PDE1C: variants seen among roughly 807,000 people sequenced by gnomAD.
The protein encoded by PDE1C is dual specificity calcium/calmodulin-dependent 3',5'-cyclic nucleotide phosphodiesterase 1C.
Under a neutral mutation model 93.1 loss-of-function variants are expected in PDE1C, and 62 were observed. The ratio of observed to expected loss-of-function variants is 0.67; its 90% CI spans 0.54 to 0.82. The LOEUF (loss-of-function observed/expected upper bound fraction) is 0.82. PDE1C is among the 40% of genes least tolerant of loss of function. The pLI is 0.00. For missense variants in PDE1C, 742 were observed against 884.6 expected, an observed-to-expected ratio of 0.84 and a Z score of 2.04; for synonymous variants, 325 against 310.1, an observed-to-expected ratio of 1.05 and a Z score of -0.50.
At chr7:32,198,101 A>G (rs1402806393) in intron 2 of PDE1C, among the ~76,000 whole-genome samples, 2 of 152,218 alleles carry the variant, frequency 1.3e-5, no homozygotes, top group Non-Finnish European at 2.9e-5. Context: ...TCTGGATTCA[A>G]CAGTCTTCCT....
At chr7:32,001,139 C>A (rs1309170029) in intron 2 of PDE1C, among the ~76,000 whole-genome samples, 1 of 152,160 alleles carries the variant, frequency 6.6e-6, no homozygotes, top group Non-Finnish European at 1.5e-5. Context: ...TGTGAATAAG[C>A]ATTCTTAAAG....
chr7:31,799,100 AC>A (rs1396975675), intron 16 of PDE1C, among the ~76,000 whole-genome samples: 1 of 151,730 alleles, frequency 6.6e-6, no homozygotes, highest in East Asian at 1.9e-4. Flanking sequence ...GGTCCGTATA[AC>A]CAGTGAATGC....
chr7:31,750,259 G>C (rs917487480), downstream of PDE1C, among the ~76,000 whole-genome samples: 1 of 151,146 alleles, frequency 6.6e-6, no homozygotes. Flanking sequence ...TCAGTCATGA[G>C]GGCAAGAGAC....
At position 32,055,937 on chromosome 7, in the gene PDE1C, C is replaced by T. The variant is rs1471681057; in HGVS notation, c.102-4357G>A. Among the ~76,000 whole-genome samples, 3 of 152,144 alleles carry T rather than the reference C, an allele frequency of 2.0e-5. No homozygotes were observed. The East Asian group carries it at 5.8e-4, about 29-fold the overall frequency. ...GTTTCACCATGTTGGCCAGGCTGGT[C>T]TGGAACTCCTGACCTCAAGTGATCT... On this transcript the variant is annotated intron_variant, in intron 1 of 17. Coordinates refer to ENST00000396191, the MANE Select transcript of PDE1C (RefSeq NM_001191057.4).
At chr7:31,829,342 A>G (rs879435705) in intron 11 of PDE1C, among the ~76,000 whole-genome samples, 1 of 152,204 alleles carries the variant, frequency 6.6e-6, no homozygotes, top group Admixed American at 6.6e-5. Flanking sequence ...AAATAAAAAG[A>G]ACTACTGTTG....
chr7:31,651,538 C>T, the PDE1C span, among the ~76,000 whole-genome samples: 1 of 152,004 alleles, frequency 6.6e-6, no homozygotes, highest in Non-Finnish European at 1.5e-5. Context: ...TGGGATGGGG[C>T]TCGTGCAAAT....
chr7:31,987,010 T>C (rs931617542), intron 2 of PDE1C, among the ~76,000 whole-genome samples: 12 of 151,796 alleles, frequency 7.9e-5, no homozygotes, highest in African/African-American at 2.7e-4. Flanking sequence ...ACTCCAAACA[T>C]ATGGTCAATG....
chr7:32,021,969 T>C (rs1788739651), intron 2 of PDE1C, among the ~76,000 whole-genome samples: 2 of 152,276 alleles, frequency 1.3e-5, no homozygotes, highest in East Asian at 1.9e-4. Context: ...AGGATGTTCT[T>C]AGTATCTCAA....
intron 3 of PDE1C, among the ~76,000 whole-genome samples, chr7:32,112,870 A>ATATC (rs1554506016): frequency 2.1e-5 from 3 of 141,408 alleles, no homozygotes; most frequent in African/African-American, 8.1e-5. Context: ...ATATATATAT[A>ATATC]TATCTCAAAC....
At chr7:31,688,571 G>C in the PDE1C span, among the ~76,000 whole-genome samples, 81 of 152,210 alleles carry the variant, frequency 5.3e-4, 1 homozygote, top group Admixed American at 3.3e-4. Context: ...TTCAGTTCCT[G>C]TTCTCAAAAG....
At position 32,116,255 on chromosome 7, in the gene PDE1C, G is replaced by A. The variant is rs540647711; in HGVS notation, c.308+53530C>T. Among the ~76,000 whole-genome samples the A allele has an allele frequency of 5.9e-5, 9 of 152,228 alleles. No individual in the cohort carries two copies. The South Asian group carries it at 1.9e-3, about 32-fold the overall frequency. On this transcript the variant is annotated intron_variant, in intron 3 of 18. Transcript: ENST00000396193. ...TCTGCACCTACAACTGTAATGTCAT[G>A]CTTATATGCTATTCAATTTGTAGAA...
intron 9 of PDE1C, among the ~76,000 whole-genome samples, chr7:31,839,205 C>T (rs1047572532): frequency 2.8e-5 from 4 of 141,644 alleles, no homozygotes; most frequent in Admixed American, 7.2e-5. Context: ...TACATACATA[C>T]GTATATGTGT....
At chr7:31,698,527 A>C in the PDE1C span, among the ~76,000 whole-genome samples, 3 of 152,180 alleles carry the variant, frequency 2.0e-5, no homozygotes, top group Admixed American at 6.5e-5. Flanking sequence ...CACTGACTAC[A>C]TGCAAGCTTC....
At chr7:31,949,555 A>G (rs1807081879) in intron 2 of PDE1C, among the ~76,000 whole-genome samples, 1 of 152,206 alleles carries the variant, frequency 6.6e-6, no homozygotes, top group Non-Finnish European at 1.5e-5. Context: ...ATTGAAGTCA[A>G]TCAGAATTGA....
the PDE1C span, among the ~76,000 whole-genome samples, chr7:31,732,392 A>C: frequency 1.3e-5 from 2 of 152,018 alleles, no homozygotes; most frequent in African/African-American, 2.4e-5. Flanking sequence ...GAAGTAAGTG[A>C]TATTAAAATC....
At chr7:32,094,589 G>A (rs561238208) in intron 3 of PDE1C, among the ~76,000 whole-genome samples, 86 of 152,300 alleles carry the variant, frequency 5.6e-4, no homozygotes, top group Admixed American at 3.6e-3. Flanking sequence ...GGCTAAGAGA[G>A]TGCCAACCAA....
intron 2 of PDE1C, among the ~76,000 whole-genome samples, chr7:31,942,008 C>T (rs1327626438): frequency 1.3e-5 from 2 of 152,136 alleles, no homozygotes; most frequent in African/African-American, 4.8e-5. Context: ...TCTAACAACA[C>T]CATAAATGAG....
At chr7:32,397,681 C>T (rs1784861274) in intron 1 of PDE1C, among the ~76,000 whole-genome samples, 1 of 151,976 alleles carries the variant, frequency 6.6e-6, no homozygotes, top group Admixed American at 6.6e-5. Flanking sequence ...TAGGAGAGAA[C>T]ATGGTTGAAT....
chr7:31,622,870 TAAAG>T, the PDE1C span, among the ~76,000 whole-genome samples: 2 of 151,932 alleles, frequency 1.3e-5, no homozygotes, highest in African/African-American at 4.8e-5. Flanking sequence ...GCAAGACTAA[TAAAG>T]AAGAAAAGAG....
Sources: gnomAD v4.1 joint callset for allele counts (sites outside exome capture counted in the v4.1 genomes callset) on GRCh38, gnomAD v4.1.1 for gene constraint, MANE v1.5 for transcripts, NCBI Gene and HGNC (gene_info 2026-07-23, HGNC 2026-07-21) for gene names.